The following KDM4C variants were observed in gnomAD, a reference collection of about 807,000 sequenced individuals.
KDM4C encodes the protein lysine-specific demethylase 4C.
A neutral mutation model predicts 129.3 loss-of-function variants in KDM4C; 81 were observed. That is an observed-to-expected ratio of 0.63 (90% CI 0.52 to 0.75). KDM4C has a LOEUF of 0.75. KDM4C is among the 30% of genes least tolerant of loss of function. KDM4C has a pLI of 0.00. For synonymous variants in KDM4C, 573 were observed against 456.1 expected, an observed-to-expected ratio of 1.26 and a Z score of -3.26; for missense variants, 1,457 against 1,304.0, an observed-to-expected ratio of 1.12 and a Z score of -1.81.
intron 12 of KDM4C, among the ~76,000 whole-genome samples, chr9:7,010,036 T>G (rs1396766152): frequency 6.6e-6 from 1 of 152,154 alleles, no homozygotes; most frequent in African/African-American, 2.4e-5. Flanking sequence ...AAGTTAAAAT[T>G]TGTCACAACA....
At chr9:6,991,085 T>A (rs1249365661) in intron 12 of KDM4C, among the ~76,000 whole-genome samples, 3 of 152,084 alleles carry the variant, frequency 2.0e-5, no homozygotes, top group African/African-American at 7.2e-5. Flanking sequence ...CCCCCTTTTG[T>A]TCTTTTTTCA....
At chr9:6,801,451 A>T (rs1002992063) in intron 2 of KDM4C, among the ~76,000 whole-genome samples, 1 of 150,734 alleles carries the variant, frequency 6.6e-6, no homozygotes, top group Non-Finnish European at 1.5e-5. Context: ...GTTAGCCAGG[A>T]TAGTCTGGAT....
intron 2 of KDM4C, among the ~76,000 whole-genome samples, chr9:6,799,530 G>C (rs904063175): frequency 2.0e-5 from 3 of 151,838 alleles, no homozygotes; most frequent in African/African-American, 7.3e-5. Context: ...GTCCAACTTC[G>C]GCTTGGCATG....
At chr9:6,901,773 T>TA (rs1268768535) in intron 8 of KDM4C, among the ~76,000 whole-genome samples, 3 of 152,240 alleles carry the variant, frequency 2.0e-5, no homozygotes, top group Non-Finnish European at 4.4e-5. Context: ...GTGCTTCTGA[T>TA]ACCTCATTTC....
chr9:6,904,719 A>G (rs1056391363), intron 8 of KDM4C, among the ~76,000 whole-genome samples: 1 of 152,216 alleles, frequency 6.6e-6, no homozygotes, highest in Non-Finnish European at 1.5e-5. Flanking sequence ...GGGTCTGTAT[A>G]TTTGAAGGAA....
At chr9:6,903,278 A>G (rs1451463895) in intron 8 of KDM4C, among the ~76,000 whole-genome samples, 1 of 152,228 alleles carries the variant, frequency 6.6e-6, no homozygotes, top group East Asian at 1.9e-4. Context: ...TTTGTTGATT[A>G]TTGAAATAGC....
intron 7 of KDM4C, among the ~76,000 whole-genome samples, chr9:6,892,467 C>T (rs1846234327): frequency 6.6e-6 from 1 of 151,974 alleles, no homozygotes; most frequent in African/African-American, 2.4e-5. Context: ...TTTTTAAAGG[C>T]TCAGGCTTAT....
At chr9:7,128,843 C>G (rs1840311678) in intron 19 of KDM4C, among the ~76,000 whole-genome samples, 1 of 152,154 alleles carries the variant, frequency 6.6e-6, no homozygotes, top group African/African-American at 2.4e-5. Flanking sequence ...CCTCCTTCCT[C>G]TGTCCCCTCA....
chr9:6,757,795 T>A (rs752137934), upstream of KDM4C: 3 of 985,568 alleles, frequency 3.0e-6, no homozygotes, highest in Non-Finnish European at 3.6e-6. Flanking sequence ...AAGAATGGGA[T>A]ATGCCTGTGT....
chr9:6,837,033 C>T (rs1207365899), intron 4 of KDM4C, among the ~76,000 whole-genome samples: 2 of 152,064 alleles, frequency 1.3e-5, no homozygotes, highest in African/African-American at 4.8e-5. Flanking sequence ...GAGTTTGTAT[C>T]ACTTTATATT....
At chr9:6,742,260 C>T (rs866792924) in intron 1 of KDM4C, among the ~76,000 whole-genome samples, 14 of 150,934 alleles carry the variant, frequency 9.3e-5, no homozygotes, top group East Asian at 3.8e-4. Context: ...GTCATCCGCC[C>T]GCCTTGGCCC....
intron 1 of KDM4C, among the ~76,000 whole-genome samples, chr9:6,784,008 G>T (rs1468877560): frequency 6.6e-6 from 1 of 152,098 alleles, no homozygotes; most frequent in African/African-American, 2.4e-5. Context: ...GGAGAAATTT[G>T]AGCATCTGTA....
intron 1 of KDM4C, among the ~76,000 whole-genome samples, chr9:6,792,036 GA>G (rs1826748634): frequency 6.6e-6 from 1 of 151,430 alleles, no homozygotes. Context: ...AAGAAAAAGA[GA>G]AAAGGAAAAT....
intron 8 of KDM4C, among the ~76,000 whole-genome samples, chr9:6,957,425 G>A (rs1288853039): frequency 1.3e-5 from 2 of 152,186 alleles, no homozygotes; most frequent in South Asian, 2.1e-4. Flanking sequence ...TCTCTTATGG[G>A]ACCCTGTTCT....
chr9:7,087,624 A>G (rs1223083272), intron 17 of KDM4C, among the ~76,000 whole-genome samples: 1 of 152,202 alleles, frequency 6.6e-6, no homozygotes, highest in Non-Finnish European at 1.5e-5. Context: ...CAGGCATAAA[A>G]TTATCTTACA....
intron 15 of KDM4C, among the ~76,000 whole-genome samples, chr9:7,029,930 A>T (rs1053823460): frequency 6.6e-6 from 1 of 152,192 alleles, no homozygotes; most frequent in Non-Finnish European, 1.5e-5. Context: ...ACTCCAAATA[A>T]AGTATCAGTT....
At chr9:6,772,655 C>T (rs1330729412) in intron 1 of KDM4C, among the ~76,000 whole-genome samples, 1 of 150,950 alleles carries the variant, frequency 6.6e-6, no homozygotes, top group Non-Finnish European at 1.5e-5. Flanking sequence ...GCCACTGCGC[C>T]TGGCACAGAT....
intron 8 of KDM4C, among the ~76,000 whole-genome samples, chr9:6,960,391 C>T (rs1829827109): frequency 2.0e-5 from 3 of 150,788 alleles, no homozygotes; most frequent in South Asian, 4.2e-4. Context: ...GGGATCCTCT[C>T]TCCTCAGTCT....
chr9:6,856,636 G>A (rs544343777), intron 5 of KDM4C, among the ~76,000 whole-genome samples: 9 of 150,578 alleles, frequency 6.0e-5, no homozygotes, highest in African/African-American at 2.0e-4. Context: ...GCGGTGTTGC[G>A]ATGATGGCTA....
Sources: gnomAD v4.1 joint callset for allele counts (sites outside exome capture counted in the v4.1 genomes callset) on GRCh38, gnomAD v4.1.1 for gene constraint, MANE v1.5 for transcripts, NCBI Gene and HGNC (gene_info 2026-07-23, HGNC 2026-07-21) for gene names.